NEK10: variants seen among roughly 807,000 people sequenced by gnomAD.
NEK10 encodes serine/threonine-protein kinase Nek10.
NEK10 carries 122 observed loss-of-function variants against 159.8 expected under a neutral mutation model. The observed-to-expected ratio is 0.76, with a 90% CI of 0.66 to 0.89. The LOEUF (loss-of-function observed/expected upper bound fraction) is 0.89. Ranked by LOEUF, NEK10 falls within the 40% of genes least tolerant of loss-of-function variation. NEK10 has a pLI of 0.00. For missense variants in NEK10, 1,342 were observed against 1,323.1 expected, an observed-to-expected ratio of 1.01 and a Z score of -0.22; for synonymous variants, 466 against 457.1, an observed-to-expected ratio of 1.02 and a Z score of -0.25.
intron 22 of NEK10, among the ~76,000 whole-genome samples, chr3:27,260,973 T>C (rs1170070835): frequency 6.6e-6 from 1 of 152,214 alleles, no homozygotes; most frequent in Non-Finnish European, 1.5e-5. Context: ...TCCAGGAATT[T>C]ATCCATTTCT....
At chr3:27,111,855 C>T (rs1012914600) in intron 35 of NEK10, among the ~76,000 whole-genome samples, 1 of 152,148 alleles carries the variant, frequency 6.6e-6, no homozygotes, top group Non-Finnish European at 1.5e-5. Context: ...AAGTTGCATC[C>T]TTCTGGTAAG....
At chr3:27,298,720 A>G (rs1399626187) in intron 13 of NEK10, among the ~76,000 whole-genome samples, 1 of 152,212 alleles carries the variant, frequency 6.6e-6, no homozygotes, top group Non-Finnish European at 1.5e-5. Context: ...AATGAAATCC[A>G]GGCCGAGGTG....
At chr3:27,140,897 CTTT>C (rs960728841) in intron 31 of NEK10, among the ~76,000 whole-genome samples, 65 of 152,130 alleles carry the variant, frequency 4.3e-4, no homozygotes, top group Non-Finnish European at 1.3e-4. Context: ...TTCTGCACTT[CTTT>C]GTCTAAAAAA....
At chr3:27,161,779 C>T (rs759068435) in intron 30 of NEK10, among the ~76,000 whole-genome samples, 4 of 151,924 alleles carry the variant, frequency 2.6e-5, no homozygotes, top group South Asian at 2.1e-4. Flanking sequence ...TAATCGTGGG[C>T]GGATCACCTG....
At chr3:27,142,761 T>C (rs910482012) in intron 30 of NEK10, among the ~76,000 whole-genome samples, 4 of 152,118 alleles carry the variant, frequency 2.6e-5, no homozygotes, top group Admixed American at 6.5e-5. Context: ...TATAAGCACA[T>C]GAAAATGTAT....
intron 26 of NEK10, among the ~76,000 whole-genome samples, chr3:27,189,506 T>C (rs1575163741): frequency 6.6e-6 from 1 of 152,154 alleles, no homozygotes; most frequent in Non-Finnish European, 1.5e-5. Context: ...AACTGCATTA[T>C]TGATAATAAC....
chr3:27,131,737 T>C, intron 32 of NEK10, 143 bp downstream of exon 32: 1 of 423,868 alleles, frequency 2.4e-6, no homozygotes. Context: ...AGCAAAGACA[T>C]ATCCTCAATT....
At chr3:27,300,928 T>C (rs2043766200) in intron 13 of NEK10, among the ~76,000 whole-genome samples, 1 of 152,136 alleles carries the variant, frequency 6.6e-6, no homozygotes, top group South Asian at 2.1e-4. Flanking sequence ...CAGGAGAAAA[T>C]AGTAGACAGC....
intron 23 of NEK10, among the ~76,000 whole-genome samples, chr3:27,253,671 G>A (rs74329999): frequency 6.6e-6 from 1 of 152,140 alleles, no homozygotes; most frequent in Non-Finnish European, 1.5e-5. Flanking sequence ...AAAGCAAATG[G>A]AAAGGGCAAA....
At chr3:27,279,214 T>C (rs2041977976) in intron 22 of NEK10, among the ~76,000 whole-genome samples, 1 of 152,244 alleles carries the variant, frequency 6.6e-6, no homozygotes, top group South Asian at 2.1e-4. Flanking sequence ...ATGAAAATTT[T>C]AGTTTTCTGA....
intron 31 of NEK10, among the ~76,000 whole-genome samples, chr3:27,135,661 C>T (rs1462194150): frequency 6.6e-6 from 1 of 152,124 alleles, no homozygotes; most frequent in Non-Finnish European, 1.5e-5. Flanking sequence ...GTTCCTAATT[C>T]TATTTTTTAA....
chr3:27,268,910 G>A (rs986918054), intron 22 of NEK10, among the ~76,000 whole-genome samples: 2 of 152,114 alleles, frequency 1.3e-5, no homozygotes, highest in African/African-American at 4.8e-5. Context: ...ATGATTCATG[G>A]GAAGAGGTCA....
At chr3:27,354,646 A>G (rs2048204682) in intron 1 of NEK10, among the ~76,000 whole-genome samples, 1 of 152,220 alleles carries the variant, frequency 6.6e-6, no homozygotes, top group Non-Finnish European at 1.5e-5. Flanking sequence ...ACACTATAAT[A>G]CAAAATGGGA....
intron 16 of NEK10, among the ~76,000 whole-genome samples, 192 bp from the exon 17 acceptor site, chr3:27,291,778 G>T (rs909217199): frequency 6.6e-6 from 1 of 152,070 alleles, no homozygotes; most frequent in Non-Finnish European, 1.5e-5. Flanking sequence ...AAGTAGCTGG[G>T]ACTACAGGTG....
intron 1 of NEK10, among the ~76,000 whole-genome samples, chr3:27,363,106 C>A (rs1056655982): frequency 2.0e-5 from 3 of 152,142 alleles, no homozygotes; most frequent in African/African-American, 7.2e-5. Context: ...GAACTGCCAC[C>A]ACAGAGTTAC....
chr3:27,322,833 A>G (rs2045745471), intron 5 of NEK10, among the ~76,000 whole-genome samples: 1 of 152,156 alleles, frequency 6.6e-6, no homozygotes, highest in African/African-American at 2.4e-5. Context: ...CCATCAGCTA[A>G]AGGAAGGCAG....
intron 3 of NEK10, among the ~76,000 whole-genome samples, chr3:27,351,153 G>A (rs1030857285): frequency 2.6e-5 from 4 of 152,080 alleles, no homozygotes; most frequent in Non-Finnish European, 5.9e-5. Context: ...TATCATTAGA[G>A]TTGGGTCTTG....
chr3:27,185,056 T>A (rs1228282624), intron 26 of NEK10, among the ~76,000 whole-genome samples: 1 of 152,210 alleles, frequency 6.6e-6, no homozygotes, highest in Non-Finnish European at 1.5e-5. Flanking sequence ...AATATCAGTA[T>A]CTGTCAATGT....
At chr3:27,203,588 C>T (rs2149048238) in intron 23 of NEK10, among the ~76,000 whole-genome samples, 1 of 150,558 alleles carries the variant, frequency 6.6e-6, no homozygotes, top group East Asian at 1.9e-4. Flanking sequence ...ACACACACAC[C>T]CTAAATTAAG....
Sources: gnomAD v4.1 joint callset for allele counts (sites outside exome capture counted in the v4.1 genomes callset) on GRCh38, gnomAD v4.1.1 for gene constraint, MANE v1.5 for transcripts, NCBI Gene and HGNC (gene_info 2026-07-23, HGNC 2026-07-21) for gene names.